The following EEF1AKMT3 variants were observed in gnomAD, a reference collection of about 807,000 sequenced individuals.
The protein encoded by EEF1AKMT3 is EEF1A lysine methyltransferase 3.
Under a neutral mutation model 17.8 loss-of-function variants are expected in EEF1AKMT3, and 17 were observed. The ratio of observed to expected loss-of-function variants is 0.96; its 90% CI spans 0.65 to 1.43. EEF1AKMT3 has a LOEUF of 1.43. Among genes scored for constraint, EEF1AKMT3 ranks in the 40% most tolerant of loss-of-function variants. The pLI is 0.00. For synonymous variants in EEF1AKMT3, 116 were observed against 126.5 expected (o/e 0.92, Z 0.56); for missense variants, 244 against 285.8 (o/e 0.85, Z 1.06).
At chr12:57,778,392 C>T (rs1411151805) in intron 2 of EEF1AKMT3, among the ~76,000 whole-genome samples, 3 of 148,778 alleles carry the variant, frequency 2.0e-5, no homozygotes, top group Admixed American at 6.9e-5. Context: ...TTCAACCTCC[C>T]GAGGCTCAAG....
chr12:57,772,886 G>A lies in EEF1AKMT3; in HGVS notation c.162G>A (p.Ala54=), dbSNP rs748378049. Residue 54 remains alanine (A), a synonymous_variant, in exon 1 of 3, where the codon GCG becomes GCA. Coordinates refer to ENST00000300209, the MANE Select transcript of EEF1AKMT3 (RefSeq NM_015433.3). The surrounding 1 kb of genome is among the most constrained non-coding windows in gnomAD (Gnocchi z 4.1). ...QNFGSRLGVA[A]RVWDAALSLC... is the part of the protein sequence containing the mutation. ...TTGGGTCCCGCCTCGGGGTGGCGGC[G>A]CGCGTGTGGGACGCGGTGAGGAATG... 16 of 1,613,924 alleles carry A rather than the reference G, an allele frequency of 9.9e-6. No homozygotes were observed. Among genetic ancestry groups the A allele is most frequent in the Non-Finnish European group, 1.4e-5 (16 of 1,179,948 alleles).
chr12:57,773,292 C>T (rs1595127077), intron 2 of EEF1AKMT3, among the ~76,000 whole-genome samples, 164 bp downstream of exon 2: 2 of 152,086 alleles, frequency 1.3e-5, no homozygotes, highest in South Asian at 2.1e-4. Flanking sequence ...ATTTTGGCGT[C>T]TGCTTCTGCG....
Position 57,782,126 on chromosome 12 carries a change from A to G in EEF1AKMT3, c.*1480A>G, listed in dbSNP as rs1955520464. 1 of 152,174 alleles carries G rather than the reference A, an allele frequency of 6.6e-6. No individual in the cohort carries two copies. The highest frequency in any genetic ancestry group is 1.5e-5 in the Non-Finnish European group (1 of 68,046). The allele number at this position is 152,174 out of a possible 1,614,324, so 9.4% of individuals were successfully genotyped here. ...ATCCTCTGCCTGAAAGGCTATTGCC[A>G]CCTGTCAAAATCTTCATTATTCTTT... On this transcript the variant is annotated 3_prime_UTR_variant, in exon 3 of 3. Coordinates refer to ENST00000300209, the MANE Select transcript of EEF1AKMT3 (RefSeq NM_015433.3).
chr12:57,773,713 A>G (rs1481897780), intron 2 of EEF1AKMT3, among the ~76,000 whole-genome samples: 3 of 151,938 alleles, frequency 2.0e-5, no homozygotes, highest in African/African-American at 7.3e-5. Context: ...GAGCCACGAC[A>G]CCCAGCCTTG....
intron 2 of EEF1AKMT3, among the ~76,000 whole-genome samples, chr12:57,779,507 A>C (rs1007702333): frequency 1.3e-5 from 2 of 152,128 alleles, no homozygotes; most frequent in Non-Finnish European, 2.9e-5. Context: ...CATCATGATT[A>C]TGATGCAGTA....
At position 57,780,536 on chromosome 12, in the gene EEF1AKMT3, T is replaced by C. The variant is rs1195361726; in HGVS notation, c.571T>C (p.Phe191Leu). The C allele has an allele frequency of 6.2e-7, 1 of 1,613,978 alleles. No homozygotes were observed. Among genetic ancestry groups the C allele is most frequent in the Non-Finnish European group, 8.5e-7 (1 of 1,180,006 alleles). Reference protein sequence around the residue: ...KMRKEHGTESFFQHLLPQHFQ... With the variant: ...KMRKEHGTESLFQHLLPQHFQ... ...GAGAAAGGAGCATGGGACAGAGAGC[T>C]TCTTTCAGCACCTCCTGCCCCAGCA... The change falls in exon 3 of 3, where the codon TTC becomes CTC. Residue 191 changes from phenylalanine (F) to leucine (L), a missense_variant. Physicochemically the swap from Phe to Leu is conservative, Grantham distance 22. Coordinates refer to ENST00000300209, the MANE Select transcript of EEF1AKMT3 (RefSeq NM_015433.3).
intron 2 of EEF1AKMT3, among the ~76,000 whole-genome samples, chr12:57,777,459 G>A (rs183679433): frequency 1.4e-4 from 22 of 152,202 alleles, no homozygotes; most frequent in African/African-American, 4.1e-4. Flanking sequence ...GTTGTTAAAC[G>A]CAGGAGTCAG....
intron 2 of EEF1AKMT3, among the ~76,000 whole-genome samples, chr12:57,778,293 C>CTT (rs56919999): frequency 6.8e-5 from 3 of 43,994 alleles, no homozygotes; most frequent in Admixed American, 4.3e-4. Flanking sequence ...CCATCCTGAG[C>CTT]TTTTTTTTTT....
rs1213592764 is a variant in EEF1AKMT3 at position 57,780,994 on chromosome 12, C to T, written c.*348C>T. 9.6e-6 allele frequency: 3 copies of T among 310,922 alleles called. No individual in the cohort carries two copies. The highest frequency in any genetic ancestry group is 1.8e-5 in the Non-Finnish European group (3 of 167,026). The allele number at this position is 310,922 out of a possible 1,614,324, so 19.3% of individuals were successfully genotyped here. ...TGATTGTAGACAGACTGTCACTGAT[C>T]ACTTCCATTCCTGTTGCTGTTTACA... is the stretch of plus-strand genomic sequence containing the variant. On this transcript the variant is annotated 3_prime_UTR_variant, in exon 3 of 3. Coordinates refer to ENST00000300209, the MANE Select transcript of EEF1AKMT3 (RefSeq NM_015433.3).
chr12:57,779,645 C>T (rs1311444730), intron 2 of EEF1AKMT3, among the ~76,000 whole-genome samples: 1 of 144,392 alleles, frequency 6.9e-6, no homozygotes, highest in Non-Finnish European at 1.5e-5. Context: ...TTCTGAGATG[C>T]TAATCTGACC....
Position 57,772,663 on chromosome 12 carries a change from C to T in EEF1AKMT3, c.-62C>T. On this transcript the variant is annotated 5_prime_UTR_variant, in exon 1 of 3. Coordinates refer to ENST00000300209, the MANE Select transcript of EEF1AKMT3 (RefSeq NM_015433.3). The surrounding 1 kb of genome is among the most constrained non-coding windows in gnomAD (Gnocchi z 4.1). ...CGGCTCGCGGCCCCCAGCCTCTACC[C>T]CGCTCCGGATCCGGGATCTGAGCGC... The T allele has an allele frequency of 6.6e-7, 1 of 1,526,030 alleles. No homozygotes were observed. The highest frequency in any genetic ancestry group is 8.8e-7 in the Non-Finnish European group (1 of 1,135,682). 94.5% of individuals were successfully genotyped at this position (1,526,030 alleles called of 1,614,324 possible).
chr12:57,780,575 C>G lies in EEF1AKMT3; in HGVS notation c.610C>G (p.Leu204Val). 1.2e-6 allele frequency: 2 copies of G among 1,613,810 alleles called. No homozygotes were observed. The highest frequency in any genetic ancestry group is 1.7e-6 in the Non-Finnish European group (2 of 1,180,044). The change falls in exon 3 of 3, where the codon CTG becomes GTG. Residue 204 changes from leucine to valine, a missense_variant. Transcript: ENST00000300209. ...HLLPQHFQLE[L>V]AQRDEDENVN... ...CCTGCCCCAGCATTTCCAACTGGAG[C>G]TGGCTCAGCGGGATGAGGATGAAAA...
In EEF1AKMT3 at chr12:57,778,307, T is replaced by TTTTTTTTTTTTTTTTC. The variant is rs536788916; in HGVS notation, c.290-1947_290-1946insTTTTTTTTTTTTTTCT. On this transcript the variant is annotated intron_variant, in intron 2 of 2. Coordinates refer to ENST00000300209, the MANE Select transcript of EEF1AKMT3 (RefSeq NM_015433.3). The stretch of plus-strand genomic sequence containing the variant: ...ACCATCCTGAGCTTTTTTTTTTTTT[T>TTTTTTTTTTTTTTTTC]TGAGACAGGTTCTCACTCTGTTGCC... Among the ~76,000 whole-genome samples, 349 of 105,316 alleles carry TTTTTTTTTTTTTTTTC rather than the reference T, an allele frequency of 3.3e-3. 101 individuals are homozygous for TTTTTTTTTTTTTTTTC. In the East Asian group the frequency reaches 0.074, roughly 22 times the overall value. 69.1% of individuals were successfully genotyped at this position (105,316 alleles called of 152,430 possible).
intron 2 of EEF1AKMT3, chr12:57,774,562 A>G (rs754827587): frequency 3.8e-5 from 28 of 741,096 alleles, no homozygotes; most frequent in Non-Finnish European, 6.1e-5. Flanking sequence ...CAAGTCCCCT[A>G]TGTACCAAGA....
rs1009392881 is a variant in EEF1AKMT3 at position 57,780,884 on chromosome 12, C to T, written c.*238C>T. The T allele has an allele frequency of 3.5e-5, 20 of 569,860 alleles. No homozygotes were observed. Among genetic ancestry groups the T allele is most frequent in the Admixed American group, 6.4e-5 (2 of 31,418 alleles). The allele number at this position is 569,860 out of a possible 1,614,324, so 35.3% of individuals were successfully genotyped here. A position where few individuals can be genotyped will look rare whatever the true frequency, so the allele number is the denominator to read the frequency against. Reference sequence around the variant, plus strand: ...CTAGTGTTAGAACACCAAGGAGGTTCCTGGCTCCTGTTCTCAGAGAAGGAG... The same window carrying T: ...CTAGTGTTAGAACACCAAGGAGGTTTCTGGCTCCTGTTCTCAGAGAAGGAG... On this transcript the variant is annotated 3_prime_UTR_variant, in exon 3 of 3. Coordinates refer to ENST00000300209, the MANE Select transcript of EEF1AKMT3 (RefSeq NM_015433.3).
chr12:57,773,142 C>T lies in EEF1AKMT3; in HGVS notation c.289+14C>T, dbSNP rs781205825. On this transcript the variant is annotated intron_variant, in intron 2 of 2. Coordinates refer to ENST00000300209, the MANE Select transcript of EEF1AKMT3 (RefSeq NM_015433.3). Reference sequence around the variant, plus strand: ...CAGCGCTGCAGGGTGCGTGAGCTGGCTTTTTACGGGAGAGAGTGGGGACCC... The same window carrying T: ...CAGCGCTGCAGGGTGCGTGAGCTGGTTTTTTACGGGAGAGAGTGGGGACCC... 10 of 1,613,124 alleles carry T rather than the reference C, an allele frequency of 6.2e-6. No homozygotes were observed. The East Asian group carries it at 2.2e-4, about 36-fold the overall frequency.
chr12:57,781,684 C>T lies in EEF1AKMT3; in HGVS notation c.*1038C>T, dbSNP rs1955516856. ...TGATTTTTCTTTAGCTTCATCAGTC[C>T]TTCCTTCCTAATCTCTAATCCCCTG... On this transcript the variant is annotated 3_prime_UTR_variant, in exon 3 of 3. Transcript: ENST00000300209. The T allele has an allele frequency of 6.6e-6, 1 of 152,112 alleles. No individual in the cohort carries two copies. Among genetic ancestry groups the T allele is most frequent in the Non-Finnish European group, 1.5e-5 (1 of 68,030 alleles). 9.4% of individuals were successfully genotyped at this position (152,112 alleles called of 1,614,324 possible).
chr12:57,774,961 C>T (rs1234616876), intron 2 of EEF1AKMT3, among the ~76,000 whole-genome samples: 3 of 151,712 alleles, frequency 2.0e-5, no homozygotes, highest in Non-Finnish European at 1.5e-5. Flanking sequence ...CAACATTAGC[C>T]GGGTGTGGTG....
At position 57,780,583 on chromosome 12, in the gene EEF1AKMT3, G is replaced by A; in HGVS notation, c.618G>A (p.Gln206=). The A allele has an allele frequency of 6.2e-7, 1 of 1,613,476 alleles. No individual in the cohort carries two copies. The highest frequency in any genetic ancestry group is 8.5e-7 in the Non-Finnish European group (1 of 1,180,036). ...LPQHFQLELA[Q]RDEDENVNIY... ...AGCATTTCCAACTGGAGCTGGCTCA[G>A]CGGGATGAGGATGAAAATGTCAACA... The change falls in exon 3 of 3, where the codon CAG becomes CAA. Residue 206 remains glutamine, a synonymous_variant. Transcript: ENST00000300209.
Sources: allele counts gnomAD v4.1 joint callset (sites outside exome capture counted in the v4.1 genomes callset), GRCh38; gene constraint gnomAD v4.1.1; non-coding constraint Gnocchi (gnomAD v3.1); transcripts MANE v1.5; gene names NCBI Gene and HGNC (gene_info 2026-07-23, HGNC 2026-07-21).